The following PRKCB variants were observed in gnomAD, a reference collection of about 807,000 sequenced individuals.
PRKCB encodes the protein protein kinase C beta.
In PRKCB, 13 loss-of-function variants were observed where a neutral mutation model predicts 81.5. The observed-to-expected ratio is 0.16, with a 90% confidence interval of 0.10 to 0.25. The LOEUF (loss-of-function observed/expected upper bound fraction) is 0.25, where lower values mean the gene tolerates loss of function less well. PRKCB is among the 10% of genes least tolerant of loss of function. The pLI is 1.00. For missense variants in PRKCB, 509 were observed against 875.7 expected (o/e 0.58, Z 5.29); for synonymous variants, 335 against 321.4 (o/e 1.04, Z -0.45).
chr16:24,107,752 T>C (rs906424492), intron 7 of PRKCB, among the ~76,000 whole-genome samples: 3 of 152,192 alleles, frequency 2.0e-5, no homozygotes, highest in Admixed American at 2.0e-4. Context: ...CTCTTGCATA[T>C]GAATGGGAAT....
At chr16:24,067,696 G>A (rs1043177045) in intron 5 of PRKCB, among the ~76,000 whole-genome samples, 1 of 152,176 alleles carries the variant, frequency 6.6e-6, no homozygotes, top group Non-Finnish European at 1.5e-5. Context: ...GACAGGTGTG[G>A]TGGCTCATGC....
intron 7 of PRKCB, among the ~76,000 whole-genome samples, chr16:24,110,819 T>C (rs1966667425): frequency 6.6e-6 from 1 of 152,186 alleles, no homozygotes; most frequent in South Asian, 2.1e-4. Context: ...CACGACGACC[T>C]GTTTATCTTT....
At chr16:24,079,144 C>T (rs773724140) in intron 5 of PRKCB, among the ~76,000 whole-genome samples, 14 of 152,212 alleles carry the variant, frequency 9.2e-5, no homozygotes, top group South Asian at 2.1e-4. Context: ...TATTCTCCCC[C>T]GCCCTTAAGA....
Position 23,905,483 on chromosome 16 carries a change from A to G in PRKCB, c.205+68077A>G, listed in dbSNP as rs536495061. Among the ~76,000 whole-genome samples, 4 of 152,344 alleles carry G rather than the reference A, an allele frequency of 2.6e-5. No homozygotes were observed. The South Asian group carries it at 8.3e-4, about 32-fold the overall frequency. On this transcript the variant is annotated intron_variant, in intron 2 of 16. Transcript: ENST00000643927. ...AGTCTGCATTTTGGGTAAACAAGGAACACCTTTTTAGTATAAGTATGTCCC... is the reference window on the plus strand; with the variant it reads ...AGTCTGCATTTTGGGTAAACAAGGAGCACCTTTTTAGTATAAGTATGTCCC...
chr16:24,205,233 CTCCAGT>C (rs1450187715), intron 16 of PRKCB, among the ~76,000 whole-genome samples: 1 of 149,642 alleles, frequency 6.7e-6, no homozygotes, highest in Admixed American at 6.7e-5. Context: ...TCACTGCAGC[CTCCAGT>C]TCCTGGGCTC....
intron 5 of PRKCB, among the ~76,000 whole-genome samples, chr16:24,091,297 T>A (rs1398951613): frequency 6.6e-6 from 1 of 152,250 alleles, no homozygotes; most frequent in Admixed American, 6.5e-5. Flanking sequence ...ATAGATTTCC[T>A]AAGATTGAAC....
At chr16:23,864,951 G>A (rs2141093383) in intron 2 of PRKCB, among the ~76,000 whole-genome samples, 1 of 152,064 alleles carries the variant, frequency 6.6e-6, no homozygotes, top group Middle Eastern at 3.4e-3. Flanking sequence ...TGTACCCAAT[G>A]TTTAGTTCCC....
chr16:23,881,996 T>TTCTTTCTTTCTTTCTTTC (rs1567300977), intron 2 of PRKCB, among the ~76,000 whole-genome samples: 12 of 63,024 alleles, frequency 1.9e-4, no homozygotes, highest in African/African-American at 7.0e-4. Flanking sequence ...CTTTCTTTCT[T>TTCTTTCTTTCTTTCTTTC]TCTTTCTTTC....
At chr16:24,007,795 C>T (rs953813320) in intron 3 of PRKCB, among the ~76,000 whole-genome samples, 1 of 152,160 alleles carries the variant, frequency 6.6e-6, no homozygotes, top group African/African-American at 2.4e-5. Context: ...GCCTGCAGGC[C>T]TGGGGGCAAA....
chr16:24,021,026 T>TTCTTTC (rs1965363844), intron 3 of PRKCB, among the ~76,000 whole-genome samples: 1 of 139,968 alleles, frequency 7.1e-6, no homozygotes, highest in Non-Finnish European at 1.5e-5. Context: ...CTTTCTTTCT[T>TTCTTTC]TCTTTCTTTC....
intron 5 of PRKCB, among the ~76,000 whole-genome samples, chr16:24,084,931 C>G (rs532198649): frequency 6.6e-6 from 1 of 152,226 alleles, no homozygotes; most frequent in African/African-American, 2.4e-5. Context: ...GTGACACTTT[C>G]CCCTGGGGAC....
intron 3 of PRKCB, among the ~76,000 whole-genome samples, chr16:24,010,624 T>A (rs898745857): frequency 3.3e-5 from 5 of 152,184 alleles, no homozygotes. Flanking sequence ...CTGGGACATA[T>A]CCTTAGTTAG....
chr16:23,896,554 TGTGA>T (rs1963382546), intron 2 of PRKCB, among the ~76,000 whole-genome samples: 1 of 152,134 alleles, frequency 6.6e-6, no homozygotes, highest in African/African-American at 2.4e-5. Context: ...TGAACGTGCA[TGTGA>T]GTATCTATTT....
At chr16:23,932,079 G>A (rs1567317717) in intron 2 of PRKCB, among the ~76,000 whole-genome samples, 1 of 152,184 alleles carries the variant, frequency 6.6e-6, no homozygotes, top group African/African-American at 2.4e-5. Context: ...CAGAGAATAT[G>A]TAGGAAATTC....
In PRKCB at chr16:24,142,680, G is replaced by T. The variant is rs531094810; in HGVS notation, c.1066-12004G>T. Among the ~76,000 whole-genome samples, 111 of 152,314 alleles carry T rather than the reference G, an allele frequency of 7.3e-4. 1 individual carries two copies. Among genetic ancestry groups the T allele is most frequent in the South Asian group, 4.1e-3 (20 of 4,824 alleles). On this transcript the variant is annotated intron_variant, in intron 9 of 16. Coordinates refer to ENST00000643927, the MANE Select transcript of PRKCB (RefSeq NM_002738.7). ...GCAGCAGCTCAGTGCAGCAGGCAAG[G>T]CTCGTCCACGGAAGGGCTGGGGGAA...
chr16:24,181,116 C>T (rs569082301), intron 13 of PRKCB, among the ~76,000 whole-genome samples, 188 bp downstream of exon 13: 2 of 152,228 alleles, frequency 1.3e-5, no homozygotes, highest in South Asian at 4.1e-4. Flanking sequence ...ATCCAGAAGC[C>T]CAAGCCCAAA....
chr16:23,857,394 G>A (rs1444813269), intron 2 of PRKCB, among the ~76,000 whole-genome samples: 2 of 152,220 alleles, frequency 1.3e-5, no homozygotes, highest in Non-Finnish European at 2.9e-5. Context: ...GGGCTGCAGA[G>A]AGCCGCCAGA....
At chr16:24,142,844 T>C (rs1966922769) in intron 9 of PRKCB, among the ~76,000 whole-genome samples, 1 of 152,228 alleles carries the variant, frequency 6.6e-6, no homozygotes, top group South Asian at 2.1e-4. Context: ...GATGGGATCT[T>C]AAGATAGAGG....
chr16:24,122,279 T>A (rs1305745926), intron 8 of PRKCB, among the ~76,000 whole-genome samples: 1 of 152,000 alleles, frequency 6.6e-6, no homozygotes, highest in Non-Finnish European at 1.5e-5. Flanking sequence ...AGGAGGCCAG[T>A]GCGGAAGTAG....
Sources: gnomAD v4.1 joint callset for allele counts (sites outside exome capture counted in the v4.1 genomes callset) on GRCh38, gnomAD v4.1.1 for gene constraint, MANE v1.5 for transcripts, NCBI Gene and HGNC (gene_info 2026-07-23, HGNC 2026-07-21) for gene names.